Variants in RFX1 observed in about 807,000 individuals in gnomAD.
RFX1 encodes the protein regulatory factor X1.
RFX1 carries 42 observed loss-of-function variants against 119.6 expected under a neutral mutation model. That is an observed-to-expected ratio of 0.35 (90% confidence interval 0.27 to 0.45). RFX1 has a LOEUF of 0.45. RFX1 is among the 20% of genes least tolerant of loss of function. The pLI is 1.00. For synonymous variants in RFX1, 628 were observed against 618.5 expected (o/e 1.02, Z -0.23); for missense variants, 1,118 against 1,368.1 (o/e 0.82, Z 2.88).
At chr19:13,999,031 G>T (rs1975127214) in intron 1 of RFX1, among the ~76,000 whole-genome samples, 1 of 152,180 alleles carries the variant, frequency 6.6e-6, no homozygotes, top group African/African-American at 2.4e-5. Context: ...TCTATTGGAG[G>T]CCTTCTCAGC....
At chr19:13,975,362 A>C (rs1801971256) in intron 8 of RFX1, among the ~76,000 whole-genome samples, 1 of 129,406 alleles carries the variant, frequency 7.7e-6, no homozygotes, top group Admixed American at 7.4e-5. Flanking sequence ...ACTCTATCTC[A>C]AAAAAAAAAA....
intron 1 of RFX1, among the ~76,000 whole-genome samples, chr19:14,001,561 G>A (rs928504039): frequency 2.8e-4 from 42 of 152,130 alleles, no homozygotes; most frequent in African/African-American, 8.9e-4. Flanking sequence ...TCAGCCTCCC[G>A]AAGTGCTGGG....
At position 13,969,753 on chromosome 19, in the gene RFX1, C is replaced by A; in HGVS notation, c.1496+241G>T. On this transcript the variant is annotated intron_variant, in intron 10 of 20. Transcript: ENST00000254325. This position sits in a 1 kb window ranked among gnomAD's most constrained non-coding sequence, Gnocchi z 4.5. ...GTGTCGGGCAGGGGAGAGGGGGAGG[C>A]TGCAGTTTTAGTTGAGGCAGTCAGG... 1 of 442,304 alleles carries A rather than the reference C, an allele frequency of 2.3e-6. No homozygotes were observed. The highest frequency in any genetic ancestry group is 4.0e-6 in the Non-Finnish European group (1 of 250,546). The allele number at this position is 442,304 out of a possible 1,614,324, so 27.4% of individuals were successfully genotyped here.
chr19:13,962,595 C>T lies in RFX1; in HGVS notation c.*100G>A. Reference sequence around the variant, plus strand: ...CCTGTCTCGGAGTCCCCCTCCCTGCCCTGGCTGAGGCTGGAGCAGTGACCA... The same window carrying T: ...CCTGTCTCGGAGTCCCCCTCCCTGCTCTGGCTGAGGCTGGAGCAGTGACCA... On this transcript the variant is annotated 3_prime_UTR_variant, in exon 21 of 21. Transcript: ENST00000254325. 9.8e-7 allele frequency: 1 copy of T among 1,023,558 alleles called. No individual in the cohort carries two copies. Among genetic ancestry groups the T allele is most frequent in the Non-Finnish European group, 1.4e-6 (1 of 738,434 alleles). 63.4% of individuals were successfully genotyped at this position (1,023,558 alleles called of 1,614,324 possible). A position where few individuals can be genotyped will look rare whatever the true frequency, so the allele number is the denominator to read the frequency against.
chr19:13,963,029 A>G lies in RFX1; in HGVS notation c.2735T>C (p.Leu912Pro), dbSNP rs1973756990. 2 of 1,559,190 alleles carry G rather than the reference A, an allele frequency of 1.3e-6. No homozygotes were observed. The highest frequency in any genetic ancestry group is 8.7e-7 in the Non-Finnish European group (1 of 1,151,170). The change falls in exon 20 of 21, where the codon CTG becomes CCG. Residue 912 changes from leucine (L) to proline (P), a missense_variant. By Grantham distance (98) the Leu-to-Pro change is moderately conservative (BLOSUM62 -3). Around this residue, in one of 5 missense-constraint regions of RFX1, gnomAD observed 138 missense variants for 117.8 expected, o/e 1.17. Coordinates refer to ENST00000254325, the MANE Select transcript of RFX1 (RefSeq NM_002918.5). Reference sequence around the variant, plus strand: ...GTCCAGGGGGTTCAGGGAGGTGGCCAGATTGGCGAACTGGAGGAAGAAGAG... The same window carrying G: ...GTCCAGGGGGTTCAGGGAGGTGGCCGGATTGGCGAACTGGAGGAAGAAGAG... The part of the protein sequence containing the change: ...PIAVMGEFAN[L>P]ATSLNPLDPD...
At chr19:13,964,533 G>GGA (rs1204866313) in intron 16 of RFX1, among the ~76,000 whole-genome samples, 1 of 152,144 alleles carries the variant, frequency 6.6e-6, no homozygotes, top group Non-Finnish European at 1.5e-5. Context: ...CCAGGCTAGA[G>GGA]TGCAGTGGCG....
In RFX1 at chr19:13,963,156, G is replaced by T. The variant is rs757967033; in HGVS notation, c.2690C>A (p.Ala897Asp). ...YYLIEHRVAQAKGETPIAVMG... is the reference protein window; with the variant it reads ...YYLIEHRVAQDKGETPIAVMG... ...GACGGCGATGGGGGTCTCGCCCTTG[G>T]CCTGGGCTACGCGGTGCTCGATCAG... is the stretch of plus-strand genomic sequence containing the variant. The change falls in exon 19 of 21, where the codon GCC (alanine) becomes GAC (aspartate). Residue 897 changes from alanine to aspartate, a missense_variant. Around this residue, in one of 5 missense-constraint regions of RFX1, gnomAD observed 138 missense variants for 117.8 expected, o/e 1.17. Transcript: ENST00000254325. The T allele has an allele frequency of 6.2e-7, 1 of 1,612,446 alleles. No homozygotes were observed. The highest frequency in any genetic ancestry group is 8.5e-7 in the Non-Finnish European group (1 of 1,179,316).
intron 2 of RFX1, among the ~76,000 whole-genome samples, chr19:13,984,350 C>A (rs1974530133): frequency 6.6e-6 from 1 of 152,042 alleles, no homozygotes; most frequent in Non-Finnish European, 1.5e-5. Context: ...GGCGCTAATC[C>A]CCCCGGTGGA....
At chr19:13,979,192 C>T (rs1322742548) in intron 7 of RFX1, among the ~76,000 whole-genome samples, 3 of 152,320 alleles carry the variant, frequency 2.0e-5, no homozygotes, top group East Asian at 3.9e-4. Context: ...GGGAAGATCC[C>T]CGCCGCCCGG....
At chr19:13,978,726 C>G (rs1040141608) in intron 7 of RFX1, among the ~76,000 whole-genome samples, 2 of 152,150 alleles carry the variant, frequency 1.3e-5, no homozygotes, top group African/African-American at 2.4e-5. Flanking sequence ...CCCGCTGCCC[C>G]CCGCCCGTGC....
At position 13,983,224 on chromosome 19, in the gene RFX1, G is replaced by A. The variant is rs781253828; in HGVS notation, c.476C>T (p.Ser159Leu). The change falls in exon 4 of 21, where the codon TCG becomes TTG. Residue 159 changes from serine to leucine, a missense_variant. This residue lies in a region of RFX1 where 542 missense variants were observed against 602.7 expected (regional missense o/e 0.90). Transcript: ENST00000254325. ...TTGGATGTTGGTCAGCTGGAGGGGC[G>A]ACACGTGGCCTGGCTTGGCCTGCAC... ...TSVQAKPGHV[S>L]PLQLTNIQVP... 100 of 1,579,988 alleles carry A rather than the reference G, an allele frequency of 6.3e-5. No homozygotes were observed. Among genetic ancestry groups the A allele is most frequent in the Non-Finnish European group, 8.0e-5 (93 of 1,167,008 alleles).
intron 8 of RFX1, among the ~76,000 whole-genome samples, chr19:13,974,930 G>C (rs1974208205): frequency 6.7e-6 from 1 of 150,166 alleles, no homozygotes; most frequent in Non-Finnish European, 1.5e-5. Context: ...TGTAGTCCCA[G>C]CTACTCAGGA....
intron 16 of RFX1, among the ~76,000 whole-genome samples, chr19:13,964,422 G>A (rs1973828086): frequency 6.7e-6 from 1 of 148,748 alleles, no homozygotes; most frequent in African/African-American, 2.5e-5. Context: ...GAACACAATA[G>A]ATAATATGGA....
chr19:13,980,583 A>G lies in RFX1; in HGVS notation c.728T>C (p.Val243Ala). The G allele has an allele frequency of 6.4e-7, 1 of 1,570,488 alleles. No individual in the cohort carries two copies. The highest frequency in any genetic ancestry group is 1.3e-5 in the African/African-American group (1 of 74,286). ...GCCTTGGCCTGGCACCTCTTGGGTGACGGGGACACTCTGCTGGACGCCGTG... is the reference window on the plus strand; with the variant it reads ...GCCTTGGCCTGGCACCTCTTGGGTGGCGGGGACACTCTGCTGGACGCCGTG... Reference protein sequence around the residue: ...QVHGVQQSVPVTQERSVVQAT... With the variant: ...QVHGVQQSVPATQERSVVQAT... The change falls in exon 6 of 21, where the codon GTC (valine) becomes GCC (alanine). Residue 243 changes from valine (V) to alanine (A), a missense_variant. Coordinates refer to ENST00000254325, the MANE Select transcript of RFX1 (RefSeq NM_002918.5). The surrounding 1 kb of genome is among the most constrained non-coding windows in gnomAD (Gnocchi z 5.1).
At chr19:14,001,943 C>A (rs546221259) in intron 1 of RFX1, among the ~76,000 whole-genome samples, 1 of 152,196 alleles carries the variant, frequency 6.6e-6, no homozygotes, top group Non-Finnish European at 1.5e-5. Context: ...CGACACCAGC[C>A]TGGCCAACAT....
At position 14,001,491 on chromosome 19, in the gene RFX1, G is replaced by A. The variant is rs115333596; in HGVS notation, c.-53+4612C>T. On this transcript the variant is annotated intron_variant, in intron 1 of 20. Coordinates refer to ENST00000254325, the MANE Select transcript of RFX1 (RefSeq NM_002918.5). ...AATTTTTAAATCTTTTTAAGAGATG[G>A]GGTCTCGCTATGTTGCCCAGGCTGG... 7.7e-3 allele frequency among the ~76,000 whole-genome samples: 1,179 copies of A among 152,162 alleles called. 23 individuals are homozygous for A. The highest frequency in any genetic ancestry group is 0.027 in the African/African-American group (1,108 of 41,520).
chr19:13,970,782 G>A (rs1228793863), intron 9 of RFX1, among the ~76,000 whole-genome samples: 1 of 150,400 alleles, frequency 6.6e-6, no homozygotes, highest in African/African-American at 2.4e-5. Context: ...TCAGGAGACT[G>A]AGACCAGCCT....
At chr19:13,973,209 T>A (rs1599485135) in intron 8 of RFX1, 82 bp from the exon 9 acceptor site, 322 of 505,796 alleles carry the variant, frequency 6.4e-4, no homozygotes, top group Middle Eastern at 1.0e-3. Context: ...GGAAGGGGGG[T>A]CCTAGGAGGG....
chr19:13,980,534 T>C lies in RFX1; in HGVS notation c.738+39A>G. The C allele has an allele frequency of 7.5e-7, 1 of 1,336,400 alleles. No homozygotes were observed. Among genetic ancestry groups the C allele is most frequent in the East Asian group, 2.5e-5 (1 of 40,128 alleles). 82.8% of individuals were successfully genotyped at this position (1,336,400 alleles called of 1,614,324 possible). ...GGGGCTGCAGAGGCTGCCTGGCCGG[T>C]ACCCCTGGACCGAGCCACTGCCCGC... On this transcript the variant is annotated intron_variant, in intron 6 of 20. Transcript: ENST00000254325. This position sits in a 1 kb window ranked among gnomAD's most constrained non-coding sequence, Gnocchi z 5.1.
Sources: allele counts gnomAD v4.1 joint callset (sites outside exome capture counted in the v4.1 genomes callset), GRCh38; gene constraint gnomAD v4.1.1; regional missense constraint gnomAD v4.1.1; non-coding constraint Gnocchi (gnomAD v3.1); transcripts MANE v1.5; gene names NCBI Gene and HGNC (gene_info 2026-07-23, HGNC 2026-07-21).